Variants in MTF2 observed in about 807,000 individuals in gnomAD.
MTF2 encodes metal response element binding transcription factor 2.
A neutral mutation model predicts 79.5 loss-of-function variants in MTF2; 11 were observed. The ratio of observed to expected loss-of-function variants is 0.14; its 90% CI spans 0.09 to 0.23. MTF2 has a LOEUF of 0.23. Among genes scored for constraint, MTF2 ranks in the 10% least tolerant of loss-of-function variants. The pLI, the probability that MTF2 is intolerant of heterozygous loss-of-function variation, is 1.00. For missense variants in MTF2, 486 were observed against 711.2 expected, an observed-to-expected ratio of 0.68 and a Z score of 3.60; for synonymous variants, 208 against 232.8, an observed-to-expected ratio of 0.89 and a Z score of 0.97.
chr1:93,116,587 T>C (rs1435816852), intron 6 of MTF2, among the ~76,000 whole-genome samples: 2 of 149,996 alleles, frequency 1.3e-5, no homozygotes, highest in African/African-American at 2.5e-5. Context: ...CACTCCAGCA[T>C]TGAACTGGGC....
At chr1:93,135,998 A>G (rs952979191) in intron 14 of MTF2, among the ~76,000 whole-genome samples, 2 of 152,210 alleles carry the variant, frequency 1.3e-5, no homozygotes, top group Non-Finnish European at 2.9e-5. Flanking sequence ...TTGTTGTACT[A>G]TATTCTCCTT....
chr1:93,095,949 C>T (rs752022928), intron 1 of MTF2, among the ~76,000 whole-genome samples: 2 of 152,232 alleles, frequency 1.3e-5, no homozygotes, highest in South Asian at 2.1e-4. Flanking sequence ...CCCCTGCACC[C>T]GGTCTATTTC....
intron 9 of MTF2, chr1:93,121,474 T>A: frequency 2.0e-6 from 2 of 980,674 alleles, no homozygotes; most frequent in Non-Finnish European, 2.4e-6. Flanking sequence ...GGTAAAAATT[T>A]TGCACACTGA....
intron 6 of MTF2, among the ~76,000 whole-genome samples, chr1:93,116,139 C>A (rs1231550985): frequency 1.3e-5 from 2 of 152,306 alleles, no homozygotes; most frequent in African/African-American, 4.8e-5. Flanking sequence ...CTCACTGCAG[C>A]ACTGAACTTC....
chr1:93,125,069 G>C (rs1656636470), intron 9 of MTF2, among the ~76,000 whole-genome samples: 1 of 151,912 alleles, frequency 6.6e-6, no homozygotes, highest in Admixed American at 6.6e-5. Flanking sequence ...TCTGAGAAAC[G>C]GTAGGGAGTA....
At chr1:93,129,213 G>A (rs1365478729) in intron 10 of MTF2, 65 bp from the exon 11 acceptor site, 3 of 1,161,738 alleles carry the variant, frequency 2.6e-6, no homozygotes, top group South Asian at 2.2e-5. Context: ...TGAAAGTTAA[G>A]TTAGGGTCTA....
rs1557564378 is a variant in MTF2 at position 93,137,969 on chromosome 1, A to G, written c.*942A>G. ...CTAGAAGTAACGTTTTCAAGTTTTC[A>G]TGGCACATTATGATTGTAAATGTCT... On this transcript the variant is annotated 3_prime_UTR_variant, in exon 15 of 15. Coordinates refer to ENST00000370298, the MANE Select transcript of MTF2 (RefSeq NM_007358.4). 6.6e-6 allele frequency: 1 copy of G among 152,226 alleles called. No homozygotes were observed. Among genetic ancestry groups the G allele is most frequent in the Non-Finnish European group, 1.5e-5 (1 of 68,036 alleles). 9.4% of individuals were successfully genotyped at this position (152,226 alleles called of 1,614,324 possible). A position where few individuals can be genotyped will look rare whatever the true frequency, so the allele number is the denominator to read the frequency against.
intron 7 of MTF2, 144 bp from the exon 8 acceptor site, chr1:93,119,189 G>A (rs1212618971): frequency 1.1e-5 from 7 of 615,148 alleles, no homozygotes; most frequent in South Asian, 6.4e-5. Flanking sequence ...ATCACAGAAA[G>A]CATTATAATT....
chr1:93,124,874 T>A (rs1656628784), intron 9 of MTF2, among the ~76,000 whole-genome samples: 2 of 151,844 alleles, frequency 1.3e-5, no homozygotes, highest in African/African-American at 4.8e-5. Context: ...AACCTCATGG[T>A]CAGATGGAAG....
chr1:93,123,284 C>G (rs1656561769), intron 9 of MTF2, among the ~76,000 whole-genome samples: 1 of 139,266 alleles, frequency 7.2e-6, no homozygotes, highest in Non-Finnish European at 1.5e-5. Context: ...TTAAGAGACC[C>G]TTGCTCAGGC....
chr1:93,121,926 T>C (rs1432091190), intron 9 of MTF2: 1 of 219,150 alleles, frequency 4.6e-6, no homozygotes, highest in Non-Finnish European at 7.7e-6. Context: ...CTTAGCCTCC[T>C]AAGTAGCTGG....
chr1:93,098,586 A>G (rs767771718), intron 1 of MTF2, among the ~76,000 whole-genome samples: 1 of 152,110 alleles, frequency 6.6e-6, no homozygotes, highest in Non-Finnish European at 1.5e-5. Context: ...TGGGGTATGG[A>G]TGTTTTGGTT....
In MTF2 at chr1:93,110,637, CT is replaced by C; in HGVS notation, c.286+12del. ...AGGACATTCAAACAGGCAGGTGCTA[CT>C]ATTTCTCTTGAACATGATTTAAATT... On this transcript the variant is annotated intron_variant, in intron 3 of 14. Transcript: ENST00000370298. The C allele has an allele frequency of 6.3e-7, 1 of 1,585,724 alleles. No homozygotes were observed. Among genetic ancestry groups the C allele is most frequent in the Non-Finnish European group, 8.6e-7 (1 of 1,158,012 alleles).
chr1:93,134,123 C>T lies in MTF2; in HGVS notation c.1352C>T (p.Thr451Ile), dbSNP rs777294935. 5 of 1,613,504 alleles carry T rather than the reference C, an allele frequency of 3.1e-6. No individual in the cohort carries two copies. The African/African-American group carries it at 4.0e-5, about 13-fold the overall frequency. ...RTEGTAHSSNTSDVDFTGASS... is the reference protein window; with the variant it reads ...RTEGTAHSSNISDVDFTGASS... ...GAGGGAACTGCACATTCATCCAATA[C>T]CTCAGATGTGGATTTCACGGGTGCT... is the stretch of plus-strand genomic sequence containing the variant. Residue 451 changes from threonine (T) to isoleucine (I), a missense_variant, in exon 14 of 15, where the codon ACC (threonine) becomes ATC (isoleucine). Around this residue, in one of 4 missense-constraint regions of MTF2, gnomAD observed 209 missense variants for 206.5 expected, o/e 1.01. Transcript: ENST00000370298.
intron 1 of MTF2, among the ~76,000 whole-genome samples, chr1:93,106,979 C>T (rs1655821414): frequency 6.6e-6 from 1 of 152,166 alleles, no homozygotes. Context: ...TACTTCTGTT[C>T]TCTTGCACTG....
chr1:93,129,654 C>T (rs1656840980), intron 11 of MTF2, among the ~76,000 whole-genome samples: 1 of 150,084 alleles, frequency 6.7e-6, no homozygotes, highest in African/African-American at 2.5e-5. Context: ...AGGACTTTGG[C>T]CTTCCAGAAA....
intron 11 of MTF2, 86 bp downstream of exon 11, chr1:93,129,534 A>G: frequency 9.0e-7 from 1 of 1,117,264 alleles, no homozygotes; most frequent in South Asian, 3.0e-5. Context: ...AGTATATTTG[A>G]AAGTACAAGT....
Position 93,137,081 on chromosome 1 carries a change from C to T in MTF2, c.*54C>T. ...ACTCTGATTTTCTGTAGGTACAGTT[C>T]AAAGCCCTAAAGGAGTCTGGCTTTT... On this transcript the variant is annotated 3_prime_UTR_variant, in exon 15 of 15. Transcript: ENST00000370298. The T allele has an allele frequency of 7.2e-7, 1 of 1,381,782 alleles. No individual in the cohort carries two copies. 85.6% of individuals were successfully genotyped at this position (1,381,782 alleles called of 1,614,324 possible).
chr1:93,131,202 G>C (rs913746306), intron 11 of MTF2, among the ~76,000 whole-genome samples: 5 of 152,070 alleles, frequency 3.3e-5, no homozygotes, highest in Admixed American at 6.5e-5. Context: ...GACTAAAAAA[G>C]AATGATCAGT....
Sources: allele counts gnomAD v4.1 joint callset (sites outside exome capture counted in the v4.1 genomes callset), GRCh38; gene constraint gnomAD v4.1.1; regional missense constraint gnomAD v4.1.1; transcripts MANE v1.5; gene names NCBI Gene and HGNC (gene_info 2026-07-23, HGNC 2026-07-21).